MYH9: variants seen among roughly 807,000 people sequenced by gnomAD.
MYH9 encodes myosin-9.
MYH9 carries 29 observed loss-of-function variants against 241.9 expected under a neutral mutation model. That is an observed-to-expected ratio of 0.12 (90% CI 0.09 to 0.16). MYH9 has a LOEUF of 0.16. Ranked by LOEUF, MYH9 falls within the 10% of genes least tolerant of loss-of-function variation. MYH9 has a pLI of 1.00. For synonymous variants in MYH9, 1,047 were observed against 1,062.6 expected (o/e 0.99, Z 0.29); for missense variants, 1,803 against 2,595.5 (o/e 0.69, Z 6.63).
chr22:36,352,623 C>T (rs778549855), intron 1 of MYH9, among the ~76,000 whole-genome samples: 2 of 152,192 alleles, frequency 1.3e-5, no homozygotes, highest in Admixed American at 6.5e-5. Context: ...TCACCCTGTC[C>T]GACTTTCAGG....
chr22:36,370,294 C>G (rs1309104940), intron 1 of MYH9, among the ~76,000 whole-genome samples: 4 of 152,184 alleles, frequency 2.6e-5, no homozygotes, highest in African/African-American at 7.2e-5. Flanking sequence ...GCTGGTGAGG[C>G]TCAGAAGCCA....
chr22:36,348,048 TAATA>T (rs971931928), intron 2 of MYH9, among the ~76,000 whole-genome samples: 4 of 146,042 alleles, frequency 2.7e-5, no homozygotes, highest in South Asian at 2.1e-4. Flanking sequence ...TTTAATAATA[TAATA>T]AATAATAAAT....
rs2017403511 is a variant in MYH9, at chr22:36,330,392, C to T, written c.491-2904G>A. ...CCCCATGCAACCGAAAAGGTCTTTC[C>T]AATGCTCAGGAAGGGTTTTGGTCTG... On this transcript the variant is annotated intron_variant, in intron 3 of 40. Transcript: ENST00000216181. This position sits in a 1 kb window ranked among gnomAD's most constrained non-coding sequence, Gnocchi z 4.5. 6.6e-6 allele frequency among the ~76,000 whole-genome samples: 1 copy of T among 152,202 alleles called. No homozygotes were observed. Among genetic ancestry groups the T allele is most frequent in the South Asian group, 2.1e-4 (1 of 4,832 alleles).
Position 36,285,832 on chromosome 22 carries a change from TC to T in MYH9, c.5150+32del, listed in dbSNP as rs750849625. 6.2e-6 allele frequency: 10 copies of T among 1,613,078 alleles called. No homozygotes were observed. The Admixed American group carries it at 8.3e-5, about 13-fold the overall frequency. On this transcript the variant is annotated intron_variant, in intron 36 of 40. Coordinates refer to ENST00000216181, the MANE Select transcript of MYH9 (RefSeq NM_002473.6). This position sits in a 1 kb window ranked among gnomAD's most constrained non-coding sequence, Gnocchi z 7.0. ...GGGCCTACCCTGGGGACACACCTGGTCCCCCCCAACTCTGCCCCCTCACTCA... is the reference window on the plus strand; with the variant it reads ...GGGCCTACCCTGGGGACACACCTGGTCCCCCCAACTCTGCCCCCTCACTCA...
At position 36,294,620 on chromosome 22, in the gene MYH9, T is replaced by C. The variant is rs111873266; in HGVS notation, c.3630+312A>G. 2.6e-4 allele frequency among the ~76,000 whole-genome samples: 39 copies of C among 152,356 alleles called. 1 individual carries two copies. Among genetic ancestry groups the C allele is most frequent in the South Asian group, 2.3e-3 (11 of 4,828 alleles). On this transcript the variant is annotated intron_variant, in intron 27 of 40. Coordinates refer to ENST00000216181, the MANE Select transcript of MYH9 (RefSeq NM_002473.6). ...ATTGGTGTTGCAGATGTTAGCAATA[T>C]TTGTAACGCAATAAGGGGAACTATA...
chr22:36,346,164 A>G (rs1276868333), intron 2 of MYH9, among the ~76,000 whole-genome samples: 1 of 152,008 alleles, frequency 6.6e-6, no homozygotes, highest in African/African-American at 2.4e-5. Context: ...AAAAAAAAAA[A>G]AAAAGAAGGC....
chr22:36,369,379 C>A (rs890814478), intron 1 of MYH9, among the ~76,000 whole-genome samples: 9 of 152,148 alleles, frequency 5.9e-5, no homozygotes, highest in African/African-American at 2.2e-4. Context: ...CATTATATAC[C>A]CACCTCCCCC....
intron 1 of MYH9, among the ~76,000 whole-genome samples, chr22:36,379,840 G>C (rs79735817): frequency 0.056 from 8,510 of 152,286 alleles, 257 homozygotes; most frequent in East Asian, 0.1. Flanking sequence ...GCTAGCTAAG[G>C]GCCTTCTCTG....
In MYH9 at chr22:36,294,912, G is replaced by T; in HGVS notation, c.3630+20C>A. On this transcript the variant is annotated intron_variant, in intron 27 of 40. Coordinates refer to ENST00000216181, the MANE Select transcript of MYH9 (RefSeq NM_002473.6). Reference sequence around the variant, plus strand: ...CGGGGAACCCTGCCCTCCCCCTGCGGTCTCAGGGAGGCTCCGCACCCGCTT... The same window carrying T: ...CGGGGAACCCTGCCCTCCCCCTGCGTTCTCAGGGAGGCTCCGCACCCGCTT... The T allele has an allele frequency of 6.2e-7, 1 of 1,610,366 alleles. No individual in the cohort carries two copies.
intron 1 of MYH9, among the ~76,000 whole-genome samples, chr22:36,386,687 G>A (rs925548117): frequency 2.0e-5 from 3 of 152,126 alleles, no homozygotes; most frequent in African/African-American, 7.2e-5. Flanking sequence ...CACCGGCTGG[G>A]TGGGGCCGTG....
chr22:36,374,586 G>GA (rs2018137766), intron 1 of MYH9, among the ~76,000 whole-genome samples: 1 of 152,200 alleles, frequency 6.6e-6, no homozygotes. Context: ...AATATTCCAT[G>GA]AAAAATCTCA....
intron 34 of MYH9, among the ~76,000 whole-genome samples, chr22:36,287,797 T>C (rs186235153): frequency 1.3e-3 from 197 of 152,378 alleles, no homozygotes; most frequent in Admixed American, 3.6e-3. Flanking sequence ...TTACATGATA[T>C]GGCGTATCAG....
At position 36,281,354 on chromosome 22, in the gene MYH9, G is replaced by A. The variant is rs2481; in HGVS notation, c.*1314C>T. The A allele has an allele frequency of 0.18, 39,506 of 219,204 alleles. 5,782 individuals carry two copies. The highest frequency in any genetic ancestry group is 0.66 in the East Asian group (9,824 of 14,818). 13.6% of individuals were successfully genotyped at this position (219,204 alleles called of 1,614,324 possible). A position where few individuals can be genotyped will look rare whatever the true frequency, so the allele number is the denominator to read the frequency against. On this transcript the variant is annotated 3_prime_UTR_variant, in exon 41 of 41. Coordinates refer to ENST00000216181, the MANE Select transcript of MYH9 (RefSeq NM_002473.6). ...CCAGCTTACTGTAGTGGTGACAGCT[G>A]CAACACATGCTAAGGCACTTTTATT...
At chr22:36,383,736 T>C (rs2018294755) in intron 1 of MYH9, among the ~76,000 whole-genome samples, 1 of 150,440 alleles carries the variant, frequency 6.6e-6, no homozygotes, top group African/African-American at 2.5e-5. Context: ...GGCGGGTAGA[T>C]CACCTGAGGT....
chr22:36,297,795 A>C (rs1379391153), intron 24 of MYH9, among the ~76,000 whole-genome samples: 1 of 152,202 alleles, frequency 6.6e-6, no homozygotes, highest in Non-Finnish European at 1.5e-5. Flanking sequence ...CTCAGTGCAC[A>C]CGGCTGAGTG....
At chr22:36,362,860 C>T (rs933605136) in intron 1 of MYH9, among the ~76,000 whole-genome samples, 1 of 152,162 alleles carries the variant, frequency 6.6e-6, no homozygotes, top group African/African-American at 2.4e-5. Flanking sequence ...CCTGCCATCA[C>T]CCCAGAATGA....
At chr22:36,368,987 G>C (rs117960963) in intron 1 of MYH9, among the ~76,000 whole-genome samples, 1 of 152,062 alleles carries the variant, frequency 6.6e-6, no homozygotes. Context: ...AAAGGGAAGA[G>C]ACCCACCCCT....
chr22:36,326,476 T>C (rs2017337267), intron 5 of MYH9, 92 bp downstream of exon 5: 2 of 1,187,318 alleles, frequency 1.7e-6, no homozygotes, highest in East Asian at 4.7e-5. Context: ...CATCCTCTTG[T>C]AAAGCTGAAG....
intron 9 of MYH9, 52 bp from the exon 10 acceptor site, chr22:36,319,687 C>G (rs2017218834): frequency 6.4e-7 from 1 of 1,567,508 alleles, no homozygotes; most frequent in Non-Finnish European, 8.8e-7. Context: ...CATGGTGATT[C>G]CCGGGGGTGG....
Sources: allele counts gnomAD v4.1 joint callset (sites outside exome capture counted in the v4.1 genomes callset), GRCh38; gene constraint gnomAD v4.1.1; non-coding constraint Gnocchi (gnomAD v3.1); transcripts MANE v1.5; gene names NCBI Gene and HGNC (gene_info 2026-07-23, HGNC 2026-07-21).